The following PPM1H variants were observed in gnomAD, a reference collection of about 807,000 sequenced individuals.
PPM1H encodes the protein protein phosphatase 1H.
PPM1H carries 27 observed loss-of-function variants against 54.9 expected under a neutral mutation model. The ratio of observed to expected loss-of-function variants is 0.49; its 90% CI spans 0.36 to 0.68. PPM1H has a LOEUF of 0.68. Ranked by LOEUF, PPM1H falls within the 30% of genes least tolerant of loss-of-function variation. The pLI, the probability that PPM1H is intolerant of heterozygous loss-of-function variation, is 0.00. For synonymous variants in PPM1H, 305 were observed against 270.8 expected (o/e 1.13, Z -1.24); for missense variants, 596 against 667.8 (o/e 0.89, Z 1.19).
At chr12:62,902,758 G>A (rs1443555168) in intron 1 of PPM1H, among the ~76,000 whole-genome samples, 1 of 152,166 alleles carries the variant, frequency 6.6e-6, no homozygotes, top group African/African-American at 2.4e-5. Context: ...ATATACTGAA[G>A]GACTCAATAA....
At chr12:62,685,790 A>G (rs2076047685) in intron 8 of PPM1H, among the ~76,000 whole-genome samples, 1 of 152,230 alleles carries the variant, frequency 6.6e-6, no homozygotes, top group East Asian at 1.9e-4. Flanking sequence ...ACCACAAAAA[A>G]TGATAAGTAT....
intron 1 of PPM1H, among the ~76,000 whole-genome samples, chr12:62,845,604 C>T (rs1009460384): frequency 2.0e-5 from 3 of 152,174 alleles, no homozygotes; most frequent in African/African-American, 7.2e-5. Flanking sequence ...AAGGGAACCT[C>T]AAGTGCTGCT....
At chr12:62,788,092 T>C in intron 4 of PPM1H, 134 bp downstream of exon 4, 2 of 649,730 alleles carry the variant, frequency 3.1e-6, no homozygotes, top group Non-Finnish European at 5.3e-6. Context: ...TCAACCTGAT[T>C]GTCCTTAAAT....
intron 4 of PPM1H, among the ~76,000 whole-genome samples, chr12:62,757,935 T>C (rs753153194): frequency 2.0e-5 from 3 of 152,180 alleles, no homozygotes; most frequent in Non-Finnish European, 4.4e-5. Context: ...TGCAACCCTT[T>C]ATGGCTCCAG....
At chr12:62,727,591 C>T (rs1020356661) in intron 5 of PPM1H, among the ~76,000 whole-genome samples, 4 of 150,830 alleles carry the variant, frequency 2.7e-5, no homozygotes, top group Admixed American at 1.3e-4. Context: ...CTTAATAAGC[C>T]TGCAGATGAG....
At chr12:62,792,408 T>C (rs2076705900) in intron 3 of PPM1H, among the ~76,000 whole-genome samples, 1 of 152,244 alleles carries the variant, frequency 6.6e-6, no homozygotes, top group African/African-American at 2.4e-5. Flanking sequence ...GAATGCTAAA[T>C]TTGGCAGCAC....
chr12:62,726,573 A>G (rs1423248362), intron 5 of PPM1H, among the ~76,000 whole-genome samples: 1 of 152,162 alleles, frequency 6.6e-6, no homozygotes, highest in African/African-American at 2.4e-5. Flanking sequence ...GAAAGCCAAA[A>G]TCCTGGAGAA....
intron 1 of PPM1H, among the ~76,000 whole-genome samples, chr12:62,930,717 G>A (rs1372422756): frequency 1.3e-5 from 2 of 152,232 alleles, no homozygotes; most frequent in Non-Finnish European, 2.9e-5. Flanking sequence ...TCAGACTGTT[G>A]CTCCCCAAGG....
At chr12:62,753,010 A>G (rs1245624045) in intron 4 of PPM1H, among the ~76,000 whole-genome samples, 2 of 152,130 alleles carry the variant, frequency 1.3e-5, no homozygotes, top group African/African-American at 4.8e-5. Flanking sequence ...CACAGTTGGA[A>G]ATGTGGGAGT....
intron 9 of PPM1H, among the ~76,000 whole-genome samples, chr12:62,650,921 C>T (rs1010375054): frequency 2.6e-5 from 4 of 152,218 alleles, no homozygotes; most frequent in South Asian, 2.1e-4. Context: ...CCATATCACC[C>T]CAGCTTACTC....
At chr12:62,896,360 G>C (rs1001667087) in intron 1 of PPM1H, among the ~76,000 whole-genome samples, 3 of 152,036 alleles carry the variant, frequency 2.0e-5, no homozygotes, top group African/African-American at 7.3e-5. Flanking sequence ...TCTGACAAAG[G>C]GCTAATATCC....
chr12:62,864,716 T>C (rs1323365736), intron 1 of PPM1H, among the ~76,000 whole-genome samples: 1 of 152,220 alleles, frequency 6.6e-6, no homozygotes, highest in Non-Finnish European at 1.5e-5. Flanking sequence ...AAAGCTAGAA[T>C]TATCACATAA....
intron 5 of PPM1H, among the ~76,000 whole-genome samples, chr12:62,733,817 G>T (rs1484674125): frequency 6.6e-6 from 1 of 152,186 alleles, no homozygotes; most frequent in Non-Finnish European, 1.5e-5. Context: ...GTTCGGTTCT[G>T]TGGACTAATA....
chr12:62,739,563 T>A (rs2076370861), intron 4 of PPM1H, among the ~76,000 whole-genome samples: 2 of 152,200 alleles, frequency 1.3e-5, no homozygotes, highest in African/African-American at 2.4e-5. Context: ...TTCCTCTTTT[T>A]CTGCACGGCC....
chr12:62,787,053 G>T (rs1003768874), intron 4 of PPM1H, among the ~76,000 whole-genome samples: 2 of 152,168 alleles, frequency 1.3e-5, no homozygotes, highest in Non-Finnish European at 2.9e-5. Flanking sequence ...TGTTCTCTGG[G>T]ATCTTCCCTT....
chr12:62,934,602 C>A lies in PPM1H; in HGVS notation c.135G>T (p.Glu45Asp), dbSNP rs770244442. 16 of 1,576,238 alleles carry A rather than the reference C, an allele frequency of 1.0e-5. No individual in the cohort carries two copies. Among genetic ancestry groups the A allele is most frequent in the Non-Finnish European group, 1.4e-5 (16 of 1,162,082 alleles). ...LPLRFPYGRP[E>D]FLGLSQDEVE... ...CCTCGTCCTGAGACAGCCCCAGGAA[C>A]TCTGGCCGCCCGTAGGGGAAACGCA... The change falls in exon 1 of 10, where the codon GAG (glutamate) becomes GAT (aspartate). Residue 45 changes from glutamate (E) to aspartate (D), a missense_variant. Around this residue, in one of 3 missense-constraint regions of PPM1H, gnomAD observed 382 missense variants for 387.1 expected, o/e 0.99. Transcript: ENST00000228705. This position sits in a 1 kb window ranked among gnomAD's most constrained non-coding sequence, Gnocchi z 4.2.
Position 62,765,700 on chromosome 12 carries a change from C to T in PPM1H, c.869+22526G>A, listed in dbSNP as rs139539639. On this transcript the variant is annotated intron_variant, in intron 4 of 9. Coordinates refer to ENST00000228705, the MANE Select transcript of PPM1H (RefSeq NM_020700.2). Reference sequence around the variant, plus strand: ...AATAGAGGGGAGACCCTTGGGCCCCCGGCACACAGAGAGGGATCAGTGAAC... The same window carrying T: ...AATAGAGGGGAGACCCTTGGGCCCCTGGCACACAGAGAGGGATCAGTGAAC... Among the ~76,000 whole-genome samples the T allele has an allele frequency of 6.1e-3, 931 of 152,226 alleles. 9 individuals are homozygous for T. Among genetic ancestry groups the T allele is most frequent in the Admixed American group, 0.016 (246 of 15,276 alleles).
Position 62,663,333 on chromosome 12 carries a change from T to TAA in PPM1H, c.1397+3844_1397+3845insTT, listed in dbSNP as rs111636918. The stretch of plus-strand genomic sequence containing the variant: ...GGGCCTGAAAATCTGCAATTCTCTT[T>TAA]TAAAAAAAAAAATTTATAAAATATA... On this transcript the variant is annotated intron_variant, in intron 9 of 9. Transcript: ENST00000228705. Among the ~76,000 whole-genome samples the TAA allele has an allele frequency of 4.0e-3, 494 of 124,624 alleles. 4 individuals carry two copies. The highest frequency in any genetic ancestry group is 6.5e-3 in the Non-Finnish European group (335 of 51,816). 81.8% of individuals were successfully genotyped at this position (124,624 alleles called of 152,430 possible). A position where few individuals can be genotyped will look rare whatever the true frequency, so the allele number is the denominator to read the frequency against.
chr12:62,674,726 C>T (rs1297024938), intron 8 of PPM1H, among the ~76,000 whole-genome samples: 2 of 152,224 alleles, frequency 1.3e-5, no homozygotes, highest in Non-Finnish European at 2.9e-5. Flanking sequence ...ATACTGATTC[C>T]TTGGATGGAC....
Sources: gnomAD v4.1 joint callset for allele counts (sites outside exome capture counted in the v4.1 genomes callset) on GRCh38, gnomAD v4.1.1 for gene constraint, gnomAD v4.1.1 regional missense constraint, Gnocchi (gnomAD v3.1) non-coding constraint, MANE v1.5 for transcripts, NCBI Gene and HGNC (gene_info 2026-07-23, HGNC 2026-07-21) for gene names.